Variants in CAPN7 observed in about 807,000 individuals in gnomAD.
CAPN7 encodes the protein calpain-7.
CAPN7 carries 72 observed loss-of-function variants against 115.2 expected under a neutral mutation model. The ratio of observed to expected loss-of-function variants is 0.63; its 90% CI spans 0.52 to 0.76. CAPN7 has a LOEUF of 0.76. Ranked by LOEUF, CAPN7 falls within the 30% of genes least tolerant of loss-of-function variation. The probability of loss-of-function intolerance (pLI) is 0.00; values close to 1 mark genes in which losing one functional copy is unlikely to be tolerated. For synonymous variants in CAPN7, 344 were observed against 322.3 expected (o/e 1.07, Z -0.72); for missense variants, 905 against 971.5 (o/e 0.93, Z 0.91).
Position 15,227,896 on chromosome 3 carries a change from G to A in CAPN7, c.783G>A (p.Trp261Ter). ...SPKQKTTFSKWVRPEDLTNNP... is the reference protein window; with the variant it reads ...SPKQKTTFSK ...AACAAAAAACTACATTTTCCAAGTGGGTACGACCAGAAGACCTCACCAACA... is the reference window on the plus strand; with the variant it reads ...AACAAAAAACTACATTTTCCAAGTGAGTACGACCAGAAGACCTCACCAACA... Residue 261 changes from tryptophan (W) to a stop codon, truncating the protein, a stop_gained, in exon 7 of 21, where the codon TGG becomes TGA. Transcript: ENST00000253693. LOFTEE classifies it high-confidence loss of function. The A allele has an allele frequency of 6.4e-7, 1 of 1,550,656 alleles. No homozygotes were observed. Among genetic ancestry groups the A allele is most frequent in the Non-Finnish European group, 8.7e-7 (1 of 1,146,252 alleles).
At chr3:15,239,882 T>C (rs1403424818) in intron 12 of CAPN7, among the ~76,000 whole-genome samples, 1 of 152,156 alleles carries the variant, frequency 6.6e-6, no homozygotes, top group Admixed American at 6.5e-5. Context: ...AAAGGGTAGC[T>C]AAAGGGATCA....
intron 19 of CAPN7, among the ~76,000 whole-genome samples, chr3:15,250,495 C>A (rs1265733610): frequency 1.3e-5 from 2 of 152,038 alleles, no homozygotes; most frequent in Non-Finnish European, 2.9e-5. Flanking sequence ...ATGATGAAAC[C>A]CCGTCACTAC....
chr3:15,208,407 T>G (rs940986480), intron 1 of CAPN7, among the ~76,000 whole-genome samples: 1 of 151,344 alleles, frequency 6.6e-6, no homozygotes, highest in Non-Finnish European at 1.5e-5. Flanking sequence ...CCTGCCTCAG[T>G]CTCCCAATTG....
chr3:15,241,356 A>C, intron 14 of CAPN7, 97 bp from the exon 15 acceptor site: 2 of 1,314,408 alleles, frequency 1.5e-6, no homozygotes, highest in South Asian at 1.5e-5. Context: ...AACAAAACCA[A>C]AAACTTGGAT....
At chr3:15,227,106 T>A (rs1176178348) in intron 6 of CAPN7, among the ~76,000 whole-genome samples, 1 of 134,786 alleles carries the variant, frequency 7.4e-6, no homozygotes, top group Non-Finnish European at 1.5e-5. Context: ...AGACCTCAAC[T>A]GTTAAAAAAA....
rs1575248192 is a variant in CAPN7, at chr3:15,245,894, A to C, written c.2010+223A>C. On this transcript the variant is annotated intron_variant, in intron 17 of 20. Coordinates refer to ENST00000253693, the MANE Select transcript of CAPN7 (RefSeq NM_014296.3). ...AAAGAGCATTTTTATTTTCATAGTAATAGTTTAGCCCCGTGGTAATATAGT... is the reference window on the plus strand; with the variant it reads ...AAAGAGCATTTTTATTTTCATAGTACTAGTTTAGCCCCGTGGTAATATAGT... 4 of 445,978 alleles carry C rather than the reference A, an allele frequency of 9.0e-6. No homozygotes were observed. In the East Asian group the frequency reaches 1.6e-4, roughly 18 times the overall value. 27.6% of individuals were successfully genotyped at this position (445,978 alleles called of 1,614,324 possible).
At chr3:15,232,498 G>T (rs1356676795) in intron 9 of CAPN7, 21 bp from the exon 10 acceptor site, 4 of 1,586,750 alleles carry the variant, frequency 2.5e-6, no homozygotes, top group Non-Finnish European at 1.7e-6. Flanking sequence ...ACCTAAGAAG[G>T]TTAATGTTCT....
chr3:15,232,903 A>G (rs909472571), intron 10 of CAPN7, among the ~76,000 whole-genome samples: 2 of 152,224 alleles, frequency 1.3e-5, no homozygotes, highest in African/African-American at 2.4e-5. Context: ...AATACAGTGT[A>G]CATTTCCAGA....
rs963231210 is a variant in CAPN7 at position 15,206,666 on chromosome 3, G to A, written c.102+69G>A. ...GTGCGGCCCGGGCCTGCGGCCGAGG[G>A]GCGGGATCCGGGTGCGGAGGCTAGC... On this transcript the variant is annotated intron_variant, in intron 1 of 20. Transcript: ENST00000253693. The A allele has an allele frequency of 1.5e-5, 17 of 1,170,840 alleles. No homozygotes were observed. The African/African-American group carries it at 2.4e-4, about 17-fold the overall frequency. 72.5% of individuals were successfully genotyped at this position (1,170,840 alleles called of 1,614,324 possible). A position where few individuals can be genotyped will look rare whatever the true frequency, so the allele number is the denominator to read the frequency against.
chr3:15,207,064 A>G (rs2044670930), intron 1 of CAPN7, among the ~76,000 whole-genome samples: 2 of 152,212 alleles, frequency 1.3e-5, no homozygotes. Context: ...ATATTTTCTG[A>G]GAAATGTGTT....
chr3:15,235,224 C>G, intron 12 of CAPN7, 79 bp downstream of exon 12: 1 of 1,266,302 alleles, frequency 7.9e-7, no homozygotes, highest in Non-Finnish European at 1.1e-6. Context: ...TATCAGACTT[C>G]TGAATACTGA....
chr3:15,243,854 T>G (rs981522927), intron 16 of CAPN7, among the ~76,000 whole-genome samples: 3 of 152,104 alleles, frequency 2.0e-5, no homozygotes, highest in Non-Finnish European at 4.4e-5. Context: ...GCTTAATACG[T>G]GGGTGATGAA....
At chr3:15,216,298 T>C (rs2045244673) in intron 2 of CAPN7, among the ~76,000 whole-genome samples, 1 of 152,194 alleles carries the variant, frequency 6.6e-6, no homozygotes, top group Admixed American at 6.5e-5. Context: ...ATCCTAACAC[T>C]TGTTATTGTC....
Position 15,232,488 on chromosome 3 carries a change from A to G in CAPN7, c.1033-31A>G. 3 of 1,549,042 alleles carry G rather than the reference A, an allele frequency of 1.9e-6. No homozygotes were observed. The South Asian group carries it at 3.6e-5, about 19-fold the overall frequency. On this transcript the variant is annotated intron_variant, in intron 9 of 20. Transcript: ENST00000253693. ...GAAAGGATTTTAAGATATTTTGTGCACCTAAGAAGGTTAATGTTCTCTTTC... is the reference window on the plus strand; with the variant it reads ...GAAAGGATTTTAAGATATTTTGTGCGCCTAAGAAGGTTAATGTTCTCTTTC...
chr3:15,217,398 T>C, intron 2 of CAPN7, 27 bp from the exon 3 acceptor site: 1 of 1,560,034 alleles, frequency 6.4e-7, no homozygotes, highest in Non-Finnish European at 8.7e-7. Context: ...ATAATACTCC[T>C]TCTGCGTATT....
At chr3:15,233,275 A>G (rs1694799545) in intron 10 of CAPN7, among the ~76,000 whole-genome samples, 1 of 152,210 alleles carries the variant, frequency 6.6e-6, no homozygotes, top group Admixed American at 6.5e-5. Flanking sequence ...ACATATGCAA[A>G]TCACCCATCA....
chr3:15,218,900 A>C (rs1318198160), intron 4 of CAPN7, among the ~76,000 whole-genome samples: 1 of 152,234 alleles, frequency 6.6e-6, no homozygotes, highest in South Asian at 2.1e-4. Flanking sequence ...GCTTTCAGCC[A>C]TGTACATACC....
intron 19 of CAPN7, among the ~76,000 whole-genome samples, chr3:15,250,250 AC>A (rs1695924695): frequency 6.6e-6 from 1 of 151,730 alleles, no homozygotes; most frequent in African/African-American, 2.4e-5. Flanking sequence ...GGTGGTACAT[AC>A]CCATAGTCCC....
intron 1 of CAPN7, among the ~76,000 whole-genome samples, chr3:15,207,026 C>T (rs1341972820): frequency 9.9e-5 from 15 of 152,236 alleles, no homozygotes; most frequent in Non-Finnish European, 1.6e-4. Context: ...TAGCATTTGA[C>T]ATACAGTCAT....
Sources: gnomAD v4.1 joint callset for allele counts (sites outside exome capture counted in the v4.1 genomes callset) on GRCh38, gnomAD v4.1.1 for gene constraint, MANE v1.5 for transcripts, NCBI Gene and HGNC (gene_info 2026-07-23, HGNC 2026-07-21) for gene names.